The following SART3 variants were observed in gnomAD, a reference collection of about 807,000 sequenced individuals.
SART3 encodes HIV-1 Tat-interacting protein of 110kDa.
In SART3, 44 loss-of-function variants were observed where a neutral mutation model predicts 122.3. The observed-to-expected ratio is 0.36, with a 90% CI of 0.28 to 0.46. SART3 has a LOEUF of 0.46. Among genes scored for constraint, SART3 ranks in the 20% least tolerant of loss-of-function variants. The probability of loss-of-function intolerance (pLI) is 1.00; values close to 1 mark genes in which losing one functional copy is unlikely to be tolerated. For missense variants in SART3, 1,101 were observed against 1,229.0 expected (o/e 0.90, Z 1.56); for synonymous variants, 442 against 454.0 (o/e 0.97, Z 0.34).
chr12:108,538,319 G>C, intron 7 of SART3, 116 bp from the exon 8 acceptor site: 2 of 1,251,886 alleles, frequency 1.6e-6, no homozygotes, highest in Non-Finnish European at 2.3e-6. Context: ...CATCTCTTGT[G>C]ACCTGGTTTC....
intron 1 of SART3, among the ~76,000 whole-genome samples, chr12:108,559,215 G>A (rs1043553118): frequency 2.6e-5 from 4 of 152,118 alleles, no homozygotes; most frequent in Non-Finnish European, 5.9e-5. Flanking sequence ...ACTCAGTAAG[G>A]TTTAATGAGT....
rs373973412 is a variant in SART3, at chr12:108,526,512, C to T, written c.1957G>A (p.Ala653Thr). 55 of 1,614,012 alleles carry T rather than the reference C, an allele frequency of 3.4e-5. No individual in the cohort carries two copies. Among genetic ancestry groups the T allele is most frequent in the Middle Eastern group, 1.6e-4 (1 of 6,076 alleles). ...TCTACATTTTGTGTTTCTCCAGCTG[C>T]AGGGATGCTGTTCTCGACCCTTCTG... ...KRRRVENSIP[A>T]AGETQNVEVA... The change falls in exon 16 of 19, where the codon GCA becomes ACA. Residue 653 changes from alanine (A) to threonine (T), a missense_variant. Ala to Thr is a moderately conservative substitution (Grantham distance 58). Coordinates refer to ENST00000546815, the MANE Select transcript of SART3 (RefSeq NM_014706.4).
chr12:108,525,693 C>T, intron 16 of SART3, 84 bp from the exon 17 acceptor site: 1 of 1,394,262 alleles, frequency 7.2e-7, no homozygotes, highest in Non-Finnish European at 1.0e-6. Context: ...AGCCTTGTCC[C>T]CATGAGCAGC....
At chr12:108,535,708 G>A (rs1054883895) in intron 11 of SART3, 7 of 525,390 alleles carry the variant, frequency 1.3e-5, no homozygotes, top group African/African-American at 7.7e-5. Context: ...GGGAGCGCAC[G>A]GTACTTACTC....
At chr12:108,527,559 G>C (rs1025272171) in intron 15 of SART3, among the ~76,000 whole-genome samples, 1 of 152,112 alleles carries the variant, frequency 6.6e-6, no homozygotes, top group Non-Finnish European at 1.5e-5. Context: ...ACACCACTGC[G>C]GTCACACATC....
At chr12:108,542,158 A>G (rs1393242096) in intron 6 of SART3, among the ~76,000 whole-genome samples, 3 of 152,146 alleles carry the variant, frequency 2.0e-5, no homozygotes, top group Admixed American at 6.5e-5. Flanking sequence ...GAACACTTTA[A>G]CACGCACAAA....
chr12:108,529,820 TGAG>T (rs1872570821), intron 15 of SART3, among the ~76,000 whole-genome samples: 1 of 149,794 alleles, frequency 6.7e-6, no homozygotes, highest in African/African-American at 2.5e-5. Flanking sequence ...AAAAAAAAGC[TGAG>T]GAGTGCTCCA....
At chr12:108,534,310 A>C (rs991612333) in intron 12 of SART3, among the ~76,000 whole-genome samples, 1 of 152,094 alleles carries the variant, frequency 6.6e-6, no homozygotes, top group African/African-American at 2.4e-5. Context: ...TCCTGAGACC[A>C]AAAAAATTGT....
chr12:108,545,057 G>A (rs1324648356), intron 4 of SART3, 82 bp downstream of exon 4: 2 of 1,321,974 alleles, frequency 1.5e-6, no homozygotes, highest in Admixed American at 3.4e-5. Flanking sequence ...GATTCATCAT[G>A]GACATGTGTT....
At position 108,522,841 on chromosome 12, in the gene SART3, A is replaced by G. The variant is rs879113822; in HGVS notation, c.*616T>C. ...AAAACAGTCCACAGCAGGTGGCACA[A>G]ATAATTCCTATACAAAACAAATGTT... On this transcript the variant is annotated 3_prime_UTR_variant, in exon 19 of 19. Coordinates refer to ENST00000546815, the MANE Select transcript of SART3 (RefSeq NM_014706.4). The G allele has an allele frequency of 3.8e-5, 6 of 155,940 alleles. No homozygotes were observed. The highest frequency in any genetic ancestry group is 7.1e-5 in the Non-Finnish European group (5 of 70,296). The allele number at this position is 155,940 out of a possible 1,614,324, so 9.7% of individuals were successfully genotyped here.
intron 1 of SART3, among the ~76,000 whole-genome samples, chr12:108,558,053 G>A (rs935004163): frequency 2.0e-5 from 3 of 151,984 alleles, no homozygotes; most frequent in African/African-American, 4.8e-5. Flanking sequence ...CCTGTAGTCC[G>A]AGATACTTTG....
Position 108,531,264 on chromosome 12 carries a change from C to G in SART3, c.1686G>C (p.Trp562Cys), listed in dbSNP as rs781189937. ...TTTCAGTTTTCTGAACAGCTATATC[C>G]CAATCTTCTAAAGAACCTTGAAAGA... ...MERTEGSLED[W>C]DIAVQKTETR... The change falls in exon 14 of 19, where the codon TGG becomes TGC. Residue 562 changes from tryptophan to cysteine, a missense_variant. By Grantham distance (215) the Trp-to-Cys change is radical. Around this residue, in one of 2 missense-constraint regions of SART3, gnomAD observed 885 missense variants for 1,080.1 expected, o/e 0.82. Transcript: ENST00000546815. 4 of 1,613,626 alleles carry G rather than the reference C, an allele frequency of 2.5e-6. No homozygotes were observed. The highest frequency in any genetic ancestry group is 1.7e-4 in the Middle Eastern group (1 of 6,058).
intron 3 of SART3, among the ~76,000 whole-genome samples, chr12:108,546,004 T>C (rs564754110): frequency 2.0e-5 from 3 of 151,800 alleles, no homozygotes; most frequent in Non-Finnish European, 4.4e-5. Flanking sequence ...AATATAGTTT[T>C]ATATTCATAA....
intron 6 of SART3, among the ~76,000 whole-genome samples, chr12:108,542,281 C>T (rs147204832): frequency 6.6e-6 from 1 of 152,262 alleles, no homozygotes; most frequent in Non-Finnish European, 1.5e-5. Flanking sequence ...TTAAGTATGA[C>T]CAATATCCAA....
chr12:108,546,307 C>A (rs2059158076), intron 3 of SART3, among the ~76,000 whole-genome samples: 1 of 151,542 alleles, frequency 6.6e-6, no homozygotes, highest in Non-Finnish European at 1.5e-5. Context: ...TCAAGCAATT[C>A]TCCTGCCTCA....
At chr12:108,532,525 C>G (rs954241745) in intron 12 of SART3, 191 bp from the exon 13 acceptor site, 6 of 556,764 alleles carry the variant, frequency 1.1e-5, no homozygotes, top group Non-Finnish European at 2.0e-5. Context: ...AAGTATTTCC[C>G]TGAAGCACTC....
At chr12:108,548,052 A>G in intron 2 of SART3, 61 bp from the exon 3 acceptor site, 1 of 1,373,784 alleles carries the variant, frequency 7.3e-7, no homozygotes, top group Non-Finnish European at 1.0e-6. Context: ...CAGGGACTTT[A>G]CCAAGAGACA....
At chr12:108,525,665 C>A in intron 16 of SART3, 56 bp from the exon 17 acceptor site, 1 of 1,563,824 alleles carries the variant, frequency 6.4e-7, no homozygotes, top group Non-Finnish European at 8.8e-7. Flanking sequence ...ACCCAGCTCA[C>A]CTGACTCCTC....
intron 18 of SART3, 38 bp downstream of exon 18, chr12:108,524,278 G>C (rs1345792844): frequency 1.0e-5 from 16 of 1,568,714 alleles, no homozygotes; most frequent in Non-Finnish European, 1.4e-5. Context: ...GTGCCAGCCA[G>C]GACGAAGTTT....
Sources: gnomAD v4.1 joint callset for allele counts (sites outside exome capture counted in the v4.1 genomes callset) on GRCh38, gnomAD v4.1.1 for gene constraint, gnomAD v4.1.1 regional missense constraint, MANE v1.5 for transcripts, NCBI Gene and HGNC (gene_info 2026-07-23, HGNC 2026-07-21) for gene names.